OR2L13: variants seen among roughly 807,000 people sequenced by gnomAD.
OR2L13 encodes olfactory receptor 2L13.
OR2L13 carries 14 observed loss-of-function variants against 15.3 expected under a neutral mutation model. The observed-to-expected ratio is 0.91, with a 90% CI of 0.60 to 1.43. OR2L13 has a LOEUF of 1.43. Among genes scored for constraint, OR2L13 ranks in the 40% most tolerant of loss-of-function variants. The probability of loss-of-function intolerance (pLI) is 0.00; values close to 1 mark genes in which losing one functional copy is unlikely to be tolerated. For missense variants in OR2L13, 367 were observed against 387.9 expected, an observed-to-expected ratio of 0.95 and a Z score of 0.45; for synonymous variants, 152 against 142.9, an observed-to-expected ratio of 1.06 and a Z score of -0.45.
At chr1:247,971,229 G>A in the OR2L13 span, among the ~76,000 whole-genome samples, 4 of 151,596 alleles carry the variant, frequency 2.6e-5, no homozygotes, top group Non-Finnish European at 4.4e-5. Context: ...CTTTTTTTTA[G>A]TCTGAATCTT....
At chr1:248,044,631 G>A in the OR2L13 span, among the ~76,000 whole-genome samples, 7 of 98,678 alleles carry the variant, frequency 7.1e-5, 1 homozygote, top group Non-Finnish European at 1.2e-4. Context: ...GTGAAACCCC[G>A]TCTCTACTAA....
the OR2L13 span, among the ~76,000 whole-genome samples, chr1:248,071,475 C>A: frequency 6.6e-6 from 1 of 152,132 alleles, no homozygotes; most frequent in African/African-American, 2.4e-5. Flanking sequence ...TGGGACATAT[C>A]TCAAAATAAT....
the OR2L13 span, chr1:247,948,728 G>C: frequency 1.5e-6 from 1 of 681,146 alleles, no homozygotes; most frequent in South Asian, 1.9e-5. Context: ...GTGTATTTAG[G>C]GTTCAGTATC....
chr1:248,087,810 G>C, the OR2L13 span, among the ~76,000 whole-genome samples: 12 of 152,124 alleles, frequency 7.9e-5, no homozygotes, highest in Non-Finnish European at 1.6e-4. Flanking sequence ...ATGGGAATGT[G>C]AACAGATATG....
chr1:248,059,036 CAT>C, the OR2L13 span, among the ~76,000 whole-genome samples: 1 of 152,196 alleles, frequency 6.6e-6, no homozygotes, highest in Admixed American at 6.5e-5. Flanking sequence ...GATTTCGTAA[CAT>C]ATCATACATC....
the OR2L13 span, among the ~76,000 whole-genome samples, chr1:248,065,578 TC>T: frequency 4.2e-5 from 4 of 95,048 alleles, no homozygotes; most frequent in African/African-American, 7.4e-5. Context: ...ATGCTATCCC[TC>T]CCCCCTCCCC....
the OR2L13 span, among the ~76,000 whole-genome samples, chr1:247,944,325 A>G: frequency 2.0e-5 from 3 of 151,600 alleles, no homozygotes; most frequent in African/African-American, 4.9e-5. Context: ...TTTAAGTTTC[A>G]GGGTACATAT....
the OR2L13 span, among the ~76,000 whole-genome samples, chr1:248,073,150 C>A: frequency 6.6e-6 from 1 of 152,220 alleles, no homozygotes. Context: ...GACTATAAAT[C>A]ATGCTGCTAT....
At chr1:248,022,899 T>C in the OR2L13 span, 21 of 1,588,256 alleles carry the variant, frequency 1.3e-5, no homozygotes, top group East Asian at 2.2e-5. Context: ...ATACGTTCTG[T>C]GTTAGAGTCA....
upstream of OR2L13, among the ~76,000 whole-genome samples, chr1:248,092,985 G>A (rs1664635146): frequency 6.6e-6 from 1 of 152,180 alleles, no homozygotes; most frequent in Admixed American, 6.5e-5. Flanking sequence ...AGGAGATGCT[G>A]AGAGGGGCTG....
the OR2L13 span, chr1:247,975,540 G>T: frequency 8.6e-7 from 1 of 1,165,604 alleles, no homozygotes; most frequent in Non-Finnish European, 1.3e-6. Flanking sequence ...ACAAGGTTCT[G>T]GCTGTGTTCT....
the OR2L13 span, among the ~76,000 whole-genome samples, chr1:248,028,270 C>A: frequency 6.6e-6 from 1 of 150,854 alleles, no homozygotes; most frequent in African/African-American, 2.4e-5. Context: ...GCAATTCCTG[C>A]TGTTTTGGTG....
At chr1:248,087,171 GAA>G in the OR2L13 span, among the ~76,000 whole-genome samples, 1 of 151,800 alleles carries the variant, frequency 6.6e-6, no homozygotes, top group African/African-American at 2.4e-5. Context: ...ATAACATGGA[GAA>G]ATTATTGAAA....
At chr1:247,939,487 G>A in the OR2L13 span, 1 of 152,108 alleles carries the variant, frequency 6.6e-6, no homozygotes, top group Non-Finnish European at 1.5e-5. Flanking sequence ...TTCAGGCCAG[G>A]TTAAGTTTCT....
At chr1:248,058,226 C>G in the OR2L13 span, among the ~76,000 whole-genome samples, 1 of 152,202 alleles carries the variant, frequency 6.6e-6, no homozygotes, top group East Asian at 1.9e-4. Context: ...ACCCCAAAGG[C>G]AAGGACTTCA....
chr1:248,042,997 A>G, the OR2L13 span, among the ~76,000 whole-genome samples: 12 of 152,286 alleles, frequency 7.9e-5, no homozygotes, highest in East Asian at 2.3e-3. Flanking sequence ...AGGTCTGAAA[A>G]TCTGCCACCA....
At chr1:248,013,334 T>C in the OR2L13 span, among the ~76,000 whole-genome samples, 1 of 152,120 alleles carries the variant, frequency 6.6e-6, no homozygotes, top group Admixed American at 6.6e-5. Context: ...ATAATCTGAA[T>C]AAATATACTT....
At chr1:247,993,599 GA>G in the OR2L13 span, among the ~76,000 whole-genome samples, 1 of 152,026 alleles carries the variant, frequency 6.6e-6, no homozygotes. Flanking sequence ...TTATAAGGGA[GA>G]TATGGGATAT....
At chr1:247,943,602 G>A in the OR2L13 span, among the ~76,000 whole-genome samples, 1 of 152,076 alleles carries the variant, frequency 6.6e-6, no homozygotes, top group Non-Finnish European at 1.5e-5. Flanking sequence ...TAACCCCAGT[G>A]TAAATTGAGG....
Sources: gnomAD v4.1 joint callset for allele counts (sites outside exome capture counted in the v4.1 genomes callset) on GRCh38, gnomAD v4.1.1 for gene constraint, MANE v1.5 for transcripts, NCBI Gene and HGNC (gene_info 2026-07-23, HGNC 2026-07-21) for gene names.